Variants in BCKDHB observed in about 807,000 individuals in gnomAD.
BCKDHB encodes the protein branched chain keto acid dehydrogenase E1 subunit beta.
Under a neutral mutation model 48.5 loss-of-function variants are expected in BCKDHB, and 41 were observed. The ratio of observed to expected loss-of-function variants is 0.85; its 90% CI spans 0.66 to 1.10. BCKDHB has a LOEUF of 1.10. BCKDHB is among the 50% of genes least tolerant of loss of function. The probability of loss-of-function intolerance (pLI) is 0.00; values close to 1 mark genes in which losing one functional copy is unlikely to be tolerated. For synonymous variants in BCKDHB, 201 were observed against 174.8 expected (o/e 1.15, Z -1.18); for missense variants, 496 against 494.2 (o/e 1.00, Z -0.03).
chr6:80,404,630 A>G, the BCKDHB span, among the ~76,000 whole-genome samples: 3 of 151,734 alleles, frequency 2.0e-5, no homozygotes, highest in Admixed American at 6.6e-5. Flanking sequence ...GTTCTTCTTT[A>G]TCTTCTTCCA....
chr6:80,396,565 G>A, the BCKDHB span, among the ~76,000 whole-genome samples: 8 of 152,158 alleles, frequency 5.3e-5, no homozygotes, highest in Non-Finnish European at 1.0e-4. Context: ...GTTTGGCTGT[G>A]TCCCCATCCA....
chr6:80,135,558 T>G (rs72908813), intron 3 of BCKDHB, among the ~76,000 whole-genome samples: 7,822 of 152,230 alleles, frequency 0.051, 252 homozygotes, highest in Non-Finnish European at 0.079. Flanking sequence ...TATTACAAAG[T>G]TCTTTTGTTT....
the BCKDHB span, among the ~76,000 whole-genome samples, chr6:80,454,662 C>G: frequency 6.6e-6 from 1 of 152,168 alleles, no homozygotes; most frequent in Non-Finnish European, 1.5e-5. Flanking sequence ...GCATTGGATG[C>G]TATAACTATC....
At chr6:80,311,542 A>G (rs1005196596) in intron 9 of BCKDHB, among the ~76,000 whole-genome samples, 1 of 152,132 alleles carries the variant, frequency 6.6e-6, no homozygotes, top group Admixed American at 6.5e-5. Context: ...GTTTTCTTCT[A>G]GGGTTTTTAT....
chr6:80,379,223 TA>T, the BCKDHB span, among the ~76,000 whole-genome samples: 2 of 151,020 alleles, frequency 1.3e-5, no homozygotes, highest in East Asian at 2.0e-4. Flanking sequence ...CAACAGAACA[TA>T]AAAAAAAATC....
At chr6:80,217,774 G>T (rs1457029073) in intron 8 of BCKDHB, among the ~76,000 whole-genome samples, 1 of 152,152 alleles carries the variant, frequency 6.6e-6, no homozygotes, top group Non-Finnish European at 1.5e-5. Flanking sequence ...GATTCTCCAT[G>T]CATGCTCACT....
the BCKDHB span, among the ~76,000 whole-genome samples, chr6:80,368,047 C>G: frequency 6.6e-6 from 1 of 152,216 alleles, no homozygotes; most frequent in Non-Finnish European, 1.5e-5. Context: ...TGGACTCTCA[C>G]TGGTTTCTGT....
At chr6:80,124,324 A>G (rs1473011439) in intron 1 of BCKDHB, among the ~76,000 whole-genome samples, 2 of 152,160 alleles carry the variant, frequency 1.3e-5, no homozygotes, top group Non-Finnish European at 1.5e-5. Context: ...TATGTGGTCA[A>G]TTTTAGAATA....
At chr6:80,406,302 T>G in the BCKDHB span, among the ~76,000 whole-genome samples, 1 of 152,216 alleles carries the variant, frequency 6.6e-6, no homozygotes, top group Non-Finnish European at 1.5e-5. Context: ...GCATGTGTCT[T>G]TATAGTAGCA....
chr6:80,430,935 C>A, the BCKDHB span, among the ~76,000 whole-genome samples: 8 of 152,048 alleles, frequency 5.3e-5, no homozygotes, highest in Non-Finnish European at 8.8e-5. Context: ...TATATCTTTC[C>A]TGTCTTCTCT....
At chr6:80,271,063 C>T (rs576957213) in intron 8 of BCKDHB, among the ~76,000 whole-genome samples, 30 of 152,096 alleles carry the variant, frequency 2.0e-4, no homozygotes, top group African/African-American at 6.0e-4. Context: ...CTGCATTGCT[C>T]GGGAGAAACT....
chr6:80,197,239 A>C (rs1454847840), intron 6 of BCKDHB, among the ~76,000 whole-genome samples: 1 of 152,204 alleles, frequency 6.6e-6, no homozygotes, highest in Admixed American at 6.6e-5. Flanking sequence ...TTTTAAATTA[A>C]ATTTAACTAA....
chr6:80,464,968 T>G, the BCKDHB span, among the ~76,000 whole-genome samples: 2 of 152,242 alleles, frequency 1.3e-5, no homozygotes, highest in Non-Finnish European at 1.5e-5. Context: ...CATACAGGAC[T>G]TCTTTATGCA....
chr6:80,200,631 C>G (rs1582340904), intron 6 of BCKDHB, among the ~76,000 whole-genome samples: 2 of 152,186 alleles, frequency 1.3e-5, no homozygotes, highest in East Asian at 3.9e-4. Context: ...AGTTAATAAA[C>G]CAATATTGAT....
intron 8 of BCKDHB, among the ~76,000 whole-genome samples, chr6:80,251,132 A>G (rs1455186853): frequency 6.6e-6 from 1 of 152,098 alleles, no homozygotes; most frequent in Non-Finnish European, 1.5e-5. Flanking sequence ...GAAGTTGAGG[A>G]TCTTTCATTT....
chr6:80,404,027 C>G, the BCKDHB span, among the ~76,000 whole-genome samples: 1 of 151,948 alleles, frequency 6.6e-6, no homozygotes, highest in Non-Finnish European at 1.5e-5. Context: ...GGGGTATTGG[C>G]TTGTAGTTTT....
chr6:80,306,664 A>G (rs1274161021), intron 9 of BCKDHB, among the ~76,000 whole-genome samples: 1 of 152,246 alleles, frequency 6.6e-6, no homozygotes, highest in Admixed American at 6.5e-5. Flanking sequence ...TTAATGGCAA[A>G]TGATACAGAA....
At chr6:80,126,522 A>G (rs1770348587) in intron 1 of BCKDHB, among the ~76,000 whole-genome samples, 1 of 152,188 alleles carries the variant, frequency 6.6e-6, no homozygotes, top group Non-Finnish European at 1.5e-5. Context: ...TTAGGTGGGC[A>G]GTGATCAGGG....
intron 6 of BCKDHB, among the ~76,000 whole-genome samples, chr6:80,177,643 G>A (rs1216819549): frequency 6.6e-6 from 1 of 152,148 alleles, no homozygotes; most frequent in Non-Finnish European, 1.5e-5. Context: ...CTAAACCAGT[G>A]CAGTAGGAAA....
Sources: gnomAD v4.1 joint callset for allele counts (sites outside exome capture counted in the v4.1 genomes callset) on GRCh38, gnomAD v4.1.1 for gene constraint, MANE v1.5 for transcripts, NCBI Gene and HGNC (gene_info 2026-07-23, HGNC 2026-07-21) for gene names.